The following RMP64 variants were observed in gnomAD, a reference collection of about 807,000 sequenced individuals.
RMP64 encodes nucleolus and neural progenitor protein.
the RMP64 span, among the ~76,000 whole-genome samples, chr3:113,016,983 G>A: frequency 6.6e-5 from 10 of 152,156 alleles, no homozygotes; most frequent in Middle Eastern, 3.2e-3. Context: ...ACCACAACTT[G>A]CTATGTACCC....
chr3:113,005,383 A>G, the RMP64 span: 1 of 607,718 alleles, frequency 1.6e-6, no homozygotes, highest in Non-Finnish European at 2.9e-6. Flanking sequence ...TGCTACTTTA[A>G]ATGTAGACTG....
the RMP64 span, chr3:113,005,773 G>C: frequency 1.9e-5 from 31 of 1,613,646 alleles, no homozygotes; most frequent in Middle Eastern, 1.7e-4. Context: ...TACAGTGTGA[G>C]AGTCTCCACT....
At chr3:113,017,841 T>C in the RMP64 span, among the ~76,000 whole-genome samples, 2 of 152,216 alleles carry the variant, frequency 1.3e-5, no homozygotes, top group Non-Finnish European at 2.9e-5. Context: ...AGAAGCTGTA[T>C]CTTTGCATTG....
At chr3:113,010,779 C>G in the RMP64 span, 36 of 1,245,066 alleles carry the variant, frequency 2.9e-5, no homozygotes, top group Non-Finnish European at 3.7e-5. Context: ...TTCTTAAGTG[C>G]ATGACATTTC....
chr3:113,007,089 T>A, the RMP64 span, among the ~76,000 whole-genome samples: 1 of 152,178 alleles, frequency 6.6e-6, no homozygotes, highest in Non-Finnish European at 1.5e-5. Flanking sequence ...CTCTGCCTCA[T>A]CTACCCTTGA....
chr3:113,016,043 C>G, the RMP64 span, among the ~76,000 whole-genome samples: 10 of 152,046 alleles, frequency 6.6e-5, no homozygotes, highest in African/African-American at 2.2e-4. Flanking sequence ...GGTAAGCAGA[C>G]TCAGAAGCAG....
chr3:113,008,092 A>T, the RMP64 span: 1 of 1,350,862 alleles, frequency 7.4e-7, no homozygotes, highest in South Asian at 1.3e-5. Flanking sequence ...ATCACATTTT[A>T]AAGAAAAGTG....
the RMP64 span, among the ~76,000 whole-genome samples, chr3:113,016,209 C>A: frequency 6.6e-6 from 1 of 151,954 alleles, no homozygotes; most frequent in Non-Finnish European, 1.5e-5. Flanking sequence ...ACTCAGGACA[C>A]AATGGAGAAC....
chr3:113,019,640 G>C, the RMP64 span: 24 of 1,612,592 alleles, frequency 1.5e-5, no homozygotes, highest in Non-Finnish European at 2.0e-5. Flanking sequence ...CGGCACCGCA[G>C]CCATCATGCG....
the RMP64 span, chr3:113,014,884 CTA>C: frequency 6.6e-6 from 1 of 152,214 alleles, no homozygotes; most frequent in African/African-American, 2.4e-5. Flanking sequence ...AGTTCACTTA[CTA>C]TGTTTTCCAA....
At chr3:113,003,932 G>GA in the RMP64 span, 1 of 152,186 alleles carries the variant, frequency 6.6e-6, no homozygotes, top group Non-Finnish European at 1.5e-5. Flanking sequence ...CTGGGTGCAT[G>GA]AATATAGACA....
the RMP64 span, chr3:113,003,909 G>GA: frequency 6.6e-6 from 1 of 152,184 alleles, no homozygotes; most frequent in Non-Finnish European, 1.5e-5. Flanking sequence ...ATTAAAAGAG[G>GA]CTACTTAGGG....
chr3:113,010,485 C>T, the RMP64 span: 1 of 604,656 alleles, frequency 1.7e-6, no homozygotes, highest in Non-Finnish European at 2.9e-6. Context: ...TTAAAAATCC[C>T]TTGCCTCTAT....
At chr3:113,012,858 T>A in the RMP64 span, 1 of 1,097,598 alleles carries the variant, frequency 9.1e-7, no homozygotes, top group Non-Finnish European at 1.4e-6. Context: ...GTAATGTGGG[T>A]TTTGTAAGTT....
chr3:113,017,007 T>C, the RMP64 span, among the ~76,000 whole-genome samples: 2 of 152,236 alleles, frequency 1.3e-5, no homozygotes, highest in Admixed American at 1.3e-4. Context: ...TACTCTAACA[T>C]ACCACCAATT....
the RMP64 span, chr3:113,013,310 C>T: frequency 6.2e-7 from 1 of 1,614,014 alleles, no homozygotes; most frequent in Admixed American, 1.7e-5. Context: ...AGCGGAGCAA[C>T]AACTTGCAGG....
At chr3:113,009,784 A>G in the RMP64 span, among the ~76,000 whole-genome samples, 3 of 152,226 alleles carry the variant, frequency 2.0e-5, no homozygotes, top group South Asian at 2.1e-4. Context: ...TCATGCATAT[A>G]AAAGCACTTA....
the RMP64 span, among the ~76,000 whole-genome samples, chr3:113,017,776 A>G: frequency 6.6e-6 from 1 of 152,244 alleles, no homozygotes; most frequent in South Asian, 2.1e-4. Flanking sequence ...AAGTTGGAAA[A>G]TGGTAACAGA....
chr3:113,013,312 A>G, the RMP64 span: 1 of 1,614,190 alleles, frequency 6.2e-7, no homozygotes. Flanking sequence ...CGGAGCAACA[A>G]CTTGCAGGCT....
Sources: allele counts gnomAD v4.1 joint callset (sites outside exome capture counted in the v4.1 genomes callset), GRCh38; gene constraint gnomAD v4.1.1; transcripts MANE v1.5; gene names NCBI Gene and HGNC (gene_info 2026-07-23, HGNC 2026-07-21).